Variants in PTPRD observed in about 807,000 individuals in gnomAD.
PTPRD encodes protein tyrosine phosphatase receptor type D, also known as receptor-type tyrosine-protein phosphatase delta.
PTPRD carries 34 observed loss-of-function variants against 214.5 expected under a neutral mutation model. The observed-to-expected ratio is 0.16, with a 90% confidence interval of 0.12 to 0.21. PTPRD has a LOEUF of 0.21. Ranked by LOEUF, PTPRD falls within the 10% of genes least tolerant of loss-of-function variation. PTPRD has a pLI of 1.00. For synonymous variants in PTPRD, 1,128 were observed against 845.7 expected (o/e 1.33, Z -5.79); for missense variants, 2,545 against 2,398.7 (o/e 1.06, Z -1.27).
intron 8 of PTPRD, among the ~76,000 whole-genome samples, chr9:9,418,715 A>G (rs528773602): frequency 2.6e-5 from 4 of 152,124 alleles, no homozygotes; most frequent in Admixed American, 2.6e-4. Context: ...TTATCCATTT[A>G]CTGTCTATAC....
intron 11 of PTPRD, chr9:8,958,599 C>T (rs538341982): frequency 2.0e-5 from 3 of 151,824 alleles, no homozygotes; most frequent in African/African-American, 7.3e-5. Flanking sequence ...ATAAAGCTTC[C>T]GAAATGACAG....
intron 34 of PTPRD, among the ~76,000 whole-genome samples, chr9:8,446,523 T>C (rs1356718521): frequency 6.6e-6 from 1 of 152,198 alleles, no homozygotes; most frequent in African/African-American, 2.4e-5. Context: ...AATTTGCCTT[T>C]GGGAACAAAT....
At chr9:8,659,072 TG>T (rs1340198071) in intron 12 of PTPRD, among the ~76,000 whole-genome samples, 1 of 132,718 alleles carries the variant, frequency 7.5e-6, no homozygotes, top group Non-Finnish European at 1.6e-5. Context: ...AAGAAGTAAC[TG>T]GAAAAAAAAA....
intron 5 of PTPRD, among the ~76,000 whole-genome samples, chr9:9,861,182 G>A (rs1341985872): frequency 6.6e-6 from 1 of 152,082 alleles, no homozygotes; most frequent in African/African-American, 2.4e-5. Flanking sequence ...TGAGTGTATT[G>A]GGAGAAGTAA....
chr9:10,485,447 G>C (rs897893760), intron 2 of PTPRD, among the ~76,000 whole-genome samples: 3 of 151,922 alleles, frequency 2.0e-5, no homozygotes, highest in Non-Finnish European at 4.4e-5. Context: ...AGATTACTAT[G>C]GGTTGTATGG....
At position 9,994,641 on chromosome 9, in the gene PTPRD, G is replaced by A. The variant is rs568543337; in HGVS notation, c.-472+39077C>T. Among the ~76,000 whole-genome samples the A allele has an allele frequency of 2.0e-5, 3 of 152,260 alleles. No homozygotes were observed. The South Asian group carries it at 6.2e-4, about 32-fold the overall frequency. On this transcript the variant is annotated intron_variant, in intron 4 of 45. Transcript: ENST00000381196. ...AACAGAAAATTACAAAAGTAAAAGA[G>A]AGAAAGTGGGGATATATATGAAATG...
At chr9:10,242,691 T>TAA (rs58266656) in intron 3 of PTPRD, among the ~76,000 whole-genome samples, 20 of 148,710 alleles carry the variant, frequency 1.3e-4, no homozygotes, top group South Asian at 1.1e-3. Flanking sequence ...CTTACTTAAT[T>TAA]AAAAAAAAAT....
intron 2 of PTPRD, among the ~76,000 whole-genome samples, chr9:10,424,313 T>TTCTCTCTCTCTCTCTC (rs35994999): frequency 2.1e-5 from 3 of 145,484 alleles, no homozygotes; most frequent in African/African-American, 7.5e-5. Flanking sequence ...TGGTTTCCTT[T>TTCTCTCTCTCTCTCTC]TCTCTCTCTC....
At chr9:8,992,273 A>G (rs1346879104) in intron 11 of PTPRD, among the ~76,000 whole-genome samples, 1 of 152,184 alleles carries the variant, frequency 6.6e-6, no homozygotes, top group African/African-American at 2.4e-5. Context: ...TTCTAAGGAA[A>G]GACTTTTTCA....
At chr9:8,707,708 G>A (rs1382318020) in intron 12 of PTPRD, among the ~76,000 whole-genome samples, 1 of 152,136 alleles carries the variant, frequency 6.6e-6, no homozygotes, top group Non-Finnish European at 1.5e-5. Context: ...AGAGAGAAAA[G>A]GTCTCCTACT....
intron 12 of PTPRD, among the ~76,000 whole-genome samples, chr9:8,703,193 A>T (rs1477057619): frequency 6.6e-6 from 1 of 152,234 alleles, no homozygotes; most frequent in Non-Finnish European, 1.5e-5. Context: ...GCAGGATGGT[A>T]ATAGACTATT....
intron 11 of PTPRD, among the ~76,000 whole-genome samples, chr9:8,926,968 G>C (rs2098901272): frequency 6.6e-6 from 1 of 152,078 alleles, no homozygotes; most frequent in African/African-American, 2.4e-5. Context: ...TTAGAGTGTG[G>C]AATTTTTGAG....
chr9:9,830,261 A>G (rs961172517), intron 5 of PTPRD, among the ~76,000 whole-genome samples: 9 of 151,804 alleles, frequency 5.9e-5, no homozygotes, highest in Non-Finnish European at 1.2e-4. Flanking sequence ...TCTATTTGAA[A>G]TATATTTTTC....
intron 2 of PTPRD, among the ~76,000 whole-genome samples, chr9:10,564,168 A>ATTTTTT (rs1591017043): frequency 8.4e-5 from 1 of 11,880 alleles, no homozygotes; most frequent in African/African-American, 2.7e-4. Flanking sequence ...ACACTAGGCT[A>ATTTTTT]TTCTTTTTTT....
intron 8 of PTPRD, among the ~76,000 whole-genome samples, chr9:9,483,164 T>G (rs572613658): frequency 5.3e-5 from 8 of 152,290 alleles, no homozygotes; most frequent in African/African-American, 1.4e-4. Context: ...TTAGAAATCA[T>G]GCATAGAACA....
chr9:10,439,864 A>G (rs1163083630), intron 2 of PTPRD, among the ~76,000 whole-genome samples: 3 of 151,730 alleles, frequency 2.0e-5, no homozygotes, highest in African/African-American at 7.2e-5. Flanking sequence ...ACATTCATTT[A>G]CACTGTACTG....
intron 5 of PTPRD, among the ~76,000 whole-genome samples, chr9:9,868,601 A>T (rs962491662): frequency 5.5e-5 from 8 of 144,166 alleles, no homozygotes; most frequent in South Asian, 2.2e-4. Context: ...ATAAATTATT[A>T]AAAAAAAAAA....
chr9:8,889,380 A>G (rs1405554731), intron 11 of PTPRD, among the ~76,000 whole-genome samples: 1 of 152,166 alleles, frequency 6.6e-6, no homozygotes, highest in Non-Finnish European at 1.5e-5. Context: ...AATATAATAG[A>G]TATGTGTTAA....
chr9:10,254,428 T>C (rs2093065547), intron 3 of PTPRD, among the ~76,000 whole-genome samples: 1 of 152,172 alleles, frequency 6.6e-6, no homozygotes, highest in South Asian at 2.1e-4. Flanking sequence ...TGTCCTAGTT[T>C]GTCAAATAGG....
Sources: allele counts gnomAD v4.1 joint callset (sites outside exome capture counted in the v4.1 genomes callset), GRCh38; gene constraint gnomAD v4.1.1; transcripts MANE v1.5; gene names NCBI Gene and HGNC (gene_info 2026-07-23, HGNC 2026-07-21).